Variants in PLAGL1 observed in about 807,000 individuals in gnomAD.
The protein encoded by PLAGL1 is zinc finger protein PLAGL1.
Under a neutral mutation model 4.6 loss-of-function variants are expected in PLAGL1, and 1 was observed. The ratio of observed to expected loss-of-function variants is 0.22; its 90% CI spans 0.08 to 1.03. The LOEUF is 1.03. PLAGL1 is among the 50% of genes least tolerant of loss of function. The pLI, the probability that PLAGL1 is intolerant of heterozygous loss-of-function variation, is 0.58. For missense variants in PLAGL1, 464 were observed against 570.4 expected, an observed-to-expected ratio of 0.81 and a Z score of 1.90; for synonymous variants, 240 against 237.8, an observed-to-expected ratio of 1.01 and a Z score of -0.08.
In PLAGL1 at chr6:144,059,794, C is replaced by T. The variant is rs1799249184; in HGVS notation, c.-151+4674G>A. On this transcript the variant is annotated intron_variant, in intron 1 of 3. Coordinates refer to the PLAGL1 transcript ENST00000437412. This position sits in a 1 kb window ranked among gnomAD's most constrained non-coding sequence, Gnocchi z 4.9. The stretch of plus-strand genomic sequence containing the variant: ...TGAGGCTGCCCTGCAAGTAAACCTG[C>T]TTTAGTCTTTTGGGGTACCTAGGGC... Among the ~76,000 whole-genome samples, 1 of 152,194 alleles carries T rather than the reference C, an allele frequency of 6.6e-6. No individual in the cohort carries two copies. Among genetic ancestry groups the T allele is most frequent in the Admixed American group, 6.5e-5 (1 of 15,280 alleles).
chr6:144,045,012 T>C (rs1798028808), intron 1 of PLAGL1, among the ~76,000 whole-genome samples: 1 of 141,826 alleles, frequency 7.1e-6, no homozygotes, highest in Admixed American at 7.0e-5. Flanking sequence ...TTTTTTTTTT[T>C]TTTTTTGGCT....
chr6:143,944,783 CT>C (rs34085526), intron 7 of PLAGL1, among the ~76,000 whole-genome samples: 5,980 of 145,004 alleles, frequency 0.041, 321 homozygotes, highest in African/African-American at 0.13. Flanking sequence ...GTATTTAAAC[CT>C]TTTTTTTTTT....
In PLAGL1 at chr6:144,059,731, T is replaced by C. The variant is rs1324058927; in HGVS notation, c.-151+4737A>G. Among the ~76,000 whole-genome samples, 1 of 152,208 alleles carries C rather than the reference T, an allele frequency of 6.6e-6. No individual in the cohort carries two copies. Among genetic ancestry groups the C allele is most frequent in the African/African-American group, 2.4e-5 (1 of 41,454 alleles). On this transcript the variant is annotated intron_variant, in intron 1 of 3. Coordinates refer to the PLAGL1 transcript ENST00000437412. The surrounding 1 kb of genome is among the most constrained non-coding windows in gnomAD (Gnocchi z 4.9). ...TAAGGGAGTCTTGTCACTGGCTGCA[T>C]TAAGCTTTGTCTTGCCATTAATAAT...
intron 1 of PLAGL1, among the ~76,000 whole-genome samples, chr6:144,062,627 G>A (rs1799518296): frequency 6.6e-6 from 1 of 152,082 alleles, no homozygotes; most frequent in South Asian, 2.1e-4. Context: ...CCCTCTCTCT[G>A]GGCCACGCAG....
chr6:144,063,440 G>A lies in PLAGL1; in HGVS notation c.-151+1028C>T, dbSNP rs768819913. On this transcript the variant is annotated intron_variant, in intron 1 of 3. Coordinates refer to the PLAGL1 transcript ENST00000437412. The surrounding 1 kb of genome is among the most constrained non-coding windows in gnomAD (Gnocchi z 5.7). ...GGCTTTATCCCCTCACGTGATTCAG[G>A]ACATCTGGGGTGGGCCCAATAGGTG... is the stretch of plus-strand genomic sequence containing the variant. Among the ~76,000 whole-genome samples the A allele has an allele frequency of 1.3e-4, 20 of 152,188 alleles. No homozygotes were observed. The highest frequency in any genetic ancestry group is 2.6e-4 in the Admixed American group (4 of 15,282).
Position 144,061,624 on chromosome 6 carries a change from A to AT in PLAGL1, c.-151+2843dup, listed in dbSNP as rs1384580629. On this transcript the variant is annotated intron_variant, in intron 1 of 3. Transcript: ENST00000437412. This position sits in a 1 kb window ranked among gnomAD's most constrained non-coding sequence, Gnocchi z 4.4. ...TCCACATTATACTGCCTCCCTCTATATTTTGAAATAACTTTAAAACTACAA... is the reference window on the plus strand; with the variant it reads ...TCCACATTATACTGCCTCCCTCTATATTTTTGAAATAACTTTAAAACTACAA... 6.6e-6 allele frequency among the ~76,000 whole-genome samples: 1 copy of AT among 152,160 alleles called. No homozygotes were observed. Among genetic ancestry groups the AT allele is most frequent in the Non-Finnish European group, 1.5e-5 (1 of 68,028 alleles).
intron 1 of PLAGL1, among the ~76,000 whole-genome samples, chr6:144,017,701 A>G (rs1026143662): frequency 3.3e-5 from 5 of 152,160 alleles, no homozygotes; most frequent in Non-Finnish European, 5.9e-5. Context: ...CTTCCTCCTA[A>G]TGGAAAACCT....
Position 143,952,193 on chromosome 6 carries a change from G to T in PLAGL1, c.-324-3733C>A, listed in dbSNP as rs1343503573. The stretch of plus-strand genomic sequence containing the variant: ...ATCAGTTCAAAGGCTGTTTACTGAT[G>T]AGTCCAATCTTTGGTTGAAACCCAA... On this transcript the variant is annotated intron_variant, in intron 6 of 7. Transcript: ENST00000674357. This position sits in a 1 kb window ranked among gnomAD's most constrained non-coding sequence, Gnocchi z 6.1. Among the ~76,000 whole-genome samples, 1 of 152,172 alleles carries T rather than the reference G, an allele frequency of 6.6e-6. No homozygotes were observed. Among genetic ancestry groups the T allele is most frequent in the African/African-American group, 2.4e-5 (1 of 41,440 alleles).
intron 1 of PLAGL1, among the ~76,000 whole-genome samples, chr6:144,031,991 G>A (rs923474905): frequency 5.3e-5 from 8 of 152,182 alleles, no homozygotes; most frequent in Admixed American, 1.3e-4. Context: ...AGCATGGGAT[G>A]TGTTTCCATT....
Position 143,962,510 on chromosome 6 carries a change from T to G in PLAGL1, c.-398-1968A>C, listed in dbSNP as rs76858631. Among the ~76,000 whole-genome samples the G allele has an allele frequency of 6.7e-3, 1,021 of 152,264 alleles. 44 individuals carry two copies. In the East Asian group the frequency reaches 0.11, roughly 17 times the overall value. On this transcript the variant is annotated intron_variant, in intron 5 of 7. Transcript: ENST00000674357. The surrounding 1 kb of genome is among the most constrained non-coding windows in gnomAD (Gnocchi z 5.3). ...ATTGTTTTAAATGAAGGGGGAAATA[T>G]TTTTTGGAAAGTTTGTTTATTCGTT...
chr6:143,993,212 G>A (rs1166778231), intron 1 of PLAGL1, among the ~76,000 whole-genome samples: 1 of 150,632 alleles, frequency 6.6e-6, no homozygotes, highest in African/African-American at 2.4e-5. Context: ...GCTGGGGCAG[G>A]AGAATTGCTT....
intron 1 of PLAGL1, among the ~76,000 whole-genome samples, chr6:144,031,774 T>C (rs1408820480): frequency 1.3e-5 from 2 of 152,164 alleles, no homozygotes; most frequent in East Asian, 1.9e-4. Flanking sequence ...AGTTTGACGT[T>C]GGGTAATGTG....
At position 143,983,509 on chromosome 6, in the gene PLAGL1, G is replaced by T. The variant is rs1453788768; in HGVS notation, c.-544+1626C>A. Among the ~76,000 whole-genome samples the T allele has an allele frequency of 6.6e-6, 1 of 152,118 alleles. No homozygotes were observed. Among genetic ancestry groups the T allele is most frequent in the Non-Finnish European group, 1.5e-5 (1 of 68,014 alleles). ...TGGGACTAAGAATATAAGTACAAGG[G>T]TAAGCTTTAAATTGAGCATGGCTGG... On this transcript the variant is annotated intron_variant, in intron 2 of 7. Transcript: ENST00000674357. This position sits in a 1 kb window ranked among gnomAD's most constrained non-coding sequence, Gnocchi z 6.6.
Position 144,050,622 on chromosome 6 carries a change from G to T in PLAGL1, c.-151+13846C>A, listed in dbSNP as rs1485499206. On this transcript the variant is annotated intron_variant, in intron 1 of 3. Transcript: ENST00000437412. This position sits in a 1 kb window ranked among gnomAD's most constrained non-coding sequence, Gnocchi z 4.3. ...ACACATCTCTGTGTCAGGTGCAGTG[G>T]CTCATGTCTATAATCCCAGCACTTT... Among the ~76,000 whole-genome samples, 4 of 152,174 alleles carry T rather than the reference G, an allele frequency of 2.6e-5. No individual in the cohort carries two copies. Among genetic ancestry groups the T allele is most frequent in the African/African-American group, 9.7e-5 (4 of 41,440 alleles).
chr6:143,982,675 G>A lies in PLAGL1; in HGVS notation c.-544+2460C>T, dbSNP rs2128610292. On this transcript the variant is annotated intron_variant, in intron 2 of 7. Coordinates refer to ENST00000674357, the MANE Select transcript of PLAGL1 (RefSeq NM_001317162.2). This position sits in a 1 kb window ranked among gnomAD's most constrained non-coding sequence, Gnocchi z 5.3. ...GCTGGGGAGAAGTGGTCACCTTCTG[G>A]ATTTATGGAAGGTGGGGCTGACAGT... is the stretch of plus-strand genomic sequence containing the variant. 6.6e-6 allele frequency among the ~76,000 whole-genome samples: 1 copy of A among 152,284 alleles called. No individual in the cohort carries two copies. The highest frequency in any genetic ancestry group is 1.5e-5 in the Non-Finnish European group (1 of 68,010).
rs1392992063 is a variant in PLAGL1 at position 144,059,879 on chromosome 6, C to G, written c.-151+4589G>C. Among the ~76,000 whole-genome samples the G allele has an allele frequency of 6.6e-6, 1 of 152,100 alleles. No homozygotes were observed. On this transcript the variant is annotated intron_variant, in intron 1 of 3. Coordinates refer to the PLAGL1 transcript ENST00000437412. The surrounding 1 kb of genome is among the most constrained non-coding windows in gnomAD (Gnocchi z 4.9). ...GAGATAACCTCAAGGTTATTAGTAC[C>G]TTTACTGTTTATTTCTCTGTCCCTA...
At chr6:144,002,177 G>A (rs1265116541) in intron 1 of PLAGL1, among the ~76,000 whole-genome samples, 1 of 152,108 alleles carries the variant, frequency 6.6e-6, no homozygotes. Context: ...TGCAATTCTT[G>A]TAAATTTAAA....
intron 1 of PLAGL1, among the ~76,000 whole-genome samples, chr6:144,058,880 G>A (rs1170912375): frequency 6.6e-6 from 1 of 152,158 alleles, no homozygotes; most frequent in Non-Finnish European, 1.5e-5. Context: ...ACAGGCTGGA[G>A]TTGAGTGTCT....
rs990226211 is a variant in PLAGL1 at position 143,971,576 on chromosome 6, G to T, written c.-543-2598C>A. On this transcript the variant is annotated intron_variant, in intron 2 of 7. Transcript: ENST00000674357. The surrounding 1 kb of genome is among the most constrained non-coding windows in gnomAD (Gnocchi z 4.7). Reference sequence around the variant, plus strand: ...AAGTTGAGAATAGCTAAGAAATTGGGTTTGTCCCAGTGTTCTGTGAAATCA... The same window carrying T: ...AAGTTGAGAATAGCTAAGAAATTGGTTTTGTCCCAGTGTTCTGTGAAATCA... 6.6e-6 allele frequency among the ~76,000 whole-genome samples: 1 copy of T among 152,188 alleles called. No individual in the cohort carries two copies. Among genetic ancestry groups the T allele is most frequent in the Non-Finnish European group, 1.5e-5 (1 of 68,032 alleles).
Sources: gnomAD v4.1 joint callset for allele counts (sites outside exome capture counted in the v4.1 genomes callset) on GRCh38, gnomAD v4.1.1 for gene constraint, Gnocchi (gnomAD v3.1) non-coding constraint, MANE v1.5 for transcripts, NCBI Gene and HGNC (gene_info 2026-07-23, HGNC 2026-07-21) for gene names.